MID1: variants seen among roughly 807,000 people sequenced by gnomAD.
MID1 encodes midline 1.
MID1 carries 7 observed loss-of-function variants against 40.4 expected under a neutral mutation model. The ratio of observed to expected loss-of-function variants is 0.17; its 90% CI spans 0.10 to 0.33. MID1 has a LOEUF of 0.33. Ranked by LOEUF, MID1 falls within the 10% of genes least tolerant of loss-of-function variation. The probability of loss-of-function intolerance (pLI) is 1.00; values close to 1 mark genes in which losing one functional copy is unlikely to be tolerated. For missense variants in MID1, 367 were observed against 558.5 expected, an observed-to-expected ratio of 0.66 and a Z score of 3.46; for synonymous variants, 229 against 221.2, an observed-to-expected ratio of 1.04 and a Z score of -0.31.
chrX:10,804,947 T>C (rs1471995374), intron 1 of MID1, among the ~76,000 whole-genome samples: 1 of 111,309 alleles, frequency 9.0e-6, no homozygotes, highest in Non-Finnish European at 1.9e-5. Flanking sequence ...ACTAAGTAAA[T>C]TTTTTCTAAT....
At chrX:10,590,833 T>TTATCCCC (rs1935279916) in intron 1 of MID1, among the ~76,000 whole-genome samples, 1 of 112,331 alleles carries the variant, frequency 8.9e-6, no homozygotes, top group African/African-American at 3.2e-5. Context: ...ACCTTATCCC[T>TTATCCCC]AAGGTTATCC....
chrX:10,604,729 T>C (rs780938457), intron 1 of MID1, among the ~76,000 whole-genome samples: 5 of 112,494 alleles, frequency 4.4e-5, no homozygotes, highest in Non-Finnish European at 7.5e-5. Flanking sequence ...ATTTCAGTTA[T>C]GACATTCCAT....
At chrX:10,634,321 G>A (rs998806525) in intron 1 of MID1, among the ~76,000 whole-genome samples, 1 of 111,539 alleles carries the variant, frequency 9.0e-6, no homozygotes, top group Non-Finnish European at 1.9e-5. Flanking sequence ...GAATCTTTTG[G>A]TAATAAGAAA....
chrX:10,832,643 AT>A (rs966425498), intron 1 of MID1, among the ~76,000 whole-genome samples: 5 of 111,975 alleles, frequency 4.5e-5, no homozygotes, highest in African/African-American at 9.7e-5. Context: ...ATAAAAATAA[AT>A]TTTTTTACCT....
chrX:10,806,336 G>T (rs149673412), intron 1 of MID1, among the ~76,000 whole-genome samples: 1 of 111,794 alleles, frequency 8.9e-6, no homozygotes, highest in Non-Finnish European at 1.9e-5. Flanking sequence ...GAAATTCATC[G>T]AAGTTACTAT....
Position 10,533,380 on chromosome X carries a change from A to AAAG in MID1, c.661-10194_661-10193insCTT, listed in dbSNP as rs1569089825. Among the ~76,000 whole-genome samples the AAAG allele has an allele frequency of 1.7e-3, 104 of 60,306 alleles. 2 individuals are homozygous for AAAG. The highest frequency in any genetic ancestry group is 2.1e-3 in the African/African-American group (34 of 15,910). 52.4% of individuals were successfully genotyped at this position (60,306 alleles called of 115,157 possible). A position where few individuals can be genotyped will look rare whatever the true frequency, so the allele number is the denominator to read the frequency against. ...AGAAAGAAAGAAAGAAAGAAAGAAA[A>AAAG]AGAAAGAAAGAAAAGAAAGAAAGAA... On this transcript the variant is annotated intron_variant, in intron 2 of 9. Coordinates refer to ENST00000317552, the MANE Select transcript of MID1 (RefSeq NM_000381.4).
chrX:10,728,539 C>CT (rs1457172191), intron 1 of MID1, among the ~76,000 whole-genome samples: 2 of 112,086 alleles, frequency 1.8e-5, no homozygotes, highest in Non-Finnish European at 3.8e-5. Flanking sequence ...TAATAGGCTA[C>CT]TTTTTTAAAA....
chrX:10,639,325 T>C (rs987561113), intron 1 of MID1, among the ~76,000 whole-genome samples: 1 of 111,769 alleles, frequency 8.9e-6, no homozygotes, highest in Non-Finnish European at 1.9e-5. Flanking sequence ...TTAAATGACC[T>C]GACTGAGCTG....
downstream of MID1, chrX:10,445,322 G>A (rs1462091621): frequency 8.9e-6 from 1 of 111,854 alleles, no homozygotes; most frequent in Non-Finnish European, 1.9e-5. Context: ...CTTCTATATA[G>A]GCTTTCTTTT....
chrX:10,724,949 G>A (rs913007715), intron 1 of MID1, among the ~76,000 whole-genome samples: 6 of 111,874 alleles, frequency 5.4e-5, no homozygotes, highest in African/African-American at 2.0e-4. Flanking sequence ...TGCAAACCTC[G>A]TTCAAGATGT....
chrX:10,607,103 A>G (rs1256167173), intron 1 of MID1, among the ~76,000 whole-genome samples: 1 of 112,372 alleles, frequency 8.9e-6, no homozygotes, highest in Non-Finnish European at 1.9e-5. Flanking sequence ...TTCTCTGTTA[A>G]CCACTAATCT....
At chrX:10,808,365 C>T (rs558085457) in intron 1 of MID1, among the ~76,000 whole-genome samples, 48 of 111,164 alleles carry the variant, frequency 4.3e-4, no homozygotes, top group South Asian at 2.7e-3. Flanking sequence ...TGTGATGAGC[C>T]GATGATGCAT....
intron 1 of MID1, among the ~76,000 whole-genome samples, chrX:10,580,054 T>A (rs1156872224): frequency 1.8e-5 from 2 of 110,706 alleles, no homozygotes; most frequent in African/African-American, 3.3e-5. Context: ...CTGTAGTTTC[T>A]CCAGGTGGCA....
rs781320850 is a variant in MID1, at chrX:10,458,478, G to GTTAA, written c.1447+1164_1447+1167dup. On this transcript the variant is annotated intron_variant, in intron 8 of 9. Transcript: ENST00000317552. ...GTTTAGTTATGAGTAATTCATCAATGTTAATTTCTTAGTTATGATAACTGT... is the reference window on the plus strand; with the variant it reads ...GTTTAGTTATGAGTAATTCATCAATGTTAATTAATTTCTTAGTTATGATAACTGT... Among the ~76,000 whole-genome samples the GTTAA allele has an allele frequency of 7.6e-3, 853 of 111,876 alleles. 2 individuals are homozygous for GTTAA. The highest frequency in any genetic ancestry group is 0.028 in the Middle Eastern group (6 of 216).
At chrX:10,673,749 G>T (rs2043004356) in intron 1 of MID1, among the ~76,000 whole-genome samples, 1 of 110,802 alleles carries the variant, frequency 9.0e-6, no homozygotes, top group South Asian at 3.8e-4. Context: ...GAACAGATTT[G>T]GGTTTGCTAC....
intron 2 of MID1, among the ~76,000 whole-genome samples, chrX:10,542,230 C>T (rs1349587030): frequency 9.0e-6 from 1 of 111,302 alleles, no homozygotes; most frequent in Admixed American, 9.5e-5. Context: ...TGGGATGAAT[C>T]CAACTTGACC....
At chrX:10,500,396 G>A (rs1251103134) in intron 3 of MID1, among the ~76,000 whole-genome samples, 1 of 112,034 alleles carries the variant, frequency 8.9e-6, no homozygotes, top group Non-Finnish European at 1.9e-5. Context: ...ATCTTTCAGA[G>A]AATACAGATT....
intron 1 of MID1, among the ~76,000 whole-genome samples, chrX:10,589,270 T>A (rs1276012997): frequency 8.9e-6 from 1 of 111,760 alleles, no homozygotes; most frequent in Non-Finnish European, 1.9e-5. Flanking sequence ...CCGTGGGTGA[T>A]CAGGCCATGC....
At chrX:10,638,762 G>A (rs993121391) in intron 1 of MID1, among the ~76,000 whole-genome samples, 1 of 111,889 alleles carries the variant, frequency 8.9e-6, no homozygotes. Flanking sequence ...TCCCAGTAAG[G>A]GCCAACTGAC....
Sources: allele counts gnomAD v4.1 joint callset (sites outside exome capture counted in the v4.1 genomes callset), GRCh38; gene constraint gnomAD v4.1.1; transcripts MANE v1.5; gene names NCBI Gene and HGNC (gene_info 2026-07-23, HGNC 2026-07-21).